The following TRPC7 variants were observed in gnomAD, a reference collection of about 807,000 sequenced individuals.
TRPC7 encodes transient receptor potential cation channel subfamily C member 7.
A neutral mutation model predicts 90.1 loss-of-function variants in TRPC7; 42 were observed. The observed-to-expected ratio is 0.47, with a 90% CI of 0.36 to 0.60. The LOEUF (loss-of-function observed/expected upper bound fraction) is 0.60. Among genes scored for constraint, TRPC7 ranks in the 20% least tolerant of loss-of-function variants. TRPC7 has a pLI of 0.00. For synonymous variants in TRPC7, 451 were observed against 436.3 expected, an observed-to-expected ratio of 1.03 and a Z score of -0.42; for missense variants, 955 against 1,112.3, an observed-to-expected ratio of 0.86 and a Z score of 2.01.
At chr5:136,318,968 G>T (rs1759110594) in intron 2 of TRPC7, among the ~76,000 whole-genome samples, 1 of 152,042 alleles carries the variant, frequency 6.6e-6, no homozygotes, top group African/African-American at 2.4e-5. Context: ...GCCTGACCTT[G>T]GTTGGGTCTA....
chr5:136,365,206 C>T (rs751809766), intron 1 of TRPC7, 47 bp downstream of exon 1: 28 of 1,517,692 alleles, frequency 1.8e-5, no homozygotes, highest in Non-Finnish European at 2.5e-5. Flanking sequence ...AACACAACCT[C>T]TACTGGAAAA....
chr5:136,223,846 A>G (rs1755541059), intron 10 of TRPC7, among the ~76,000 whole-genome samples: 1 of 152,194 alleles, frequency 6.6e-6, no homozygotes, highest in Non-Finnish European at 1.5e-5. Flanking sequence ...AAATAAAAAT[A>G]CTTTCACTGA....
chr5:136,284,286 C>A (rs1318705186), intron 3 of TRPC7, among the ~76,000 whole-genome samples: 1 of 152,216 alleles, frequency 6.6e-6, no homozygotes, highest in Non-Finnish European at 1.5e-5. Flanking sequence ...AACCCCCACA[C>A]CATGATATGT....
At chr5:136,306,490 C>A (rs564991135) in intron 3 of TRPC7, among the ~76,000 whole-genome samples, 2 of 152,154 alleles carry the variant, frequency 1.3e-5, no homozygotes, top group South Asian at 4.2e-4. Context: ...CTCCATACCA[C>A]CCCCCAAAAA....
At chr5:136,275,049 G>T (rs1386180728) in intron 3 of TRPC7, among the ~76,000 whole-genome samples, 1 of 152,264 alleles carries the variant, frequency 6.6e-6, no homozygotes, top group East Asian at 1.9e-4. Context: ...CAGAGTCCTT[G>T]CAAGACTGGC....
intron 7 of TRPC7, among the ~76,000 whole-genome samples, chr5:136,232,804 T>TGG (rs1261074436): frequency 1.3e-5 from 2 of 152,206 alleles, no homozygotes; most frequent in Non-Finnish European, 2.9e-5. Flanking sequence ...AACATCTGAA[T>TGG]GGTTAAGTGC....
chr5:136,260,837 C>T (rs1299707338), intron 5 of TRPC7, among the ~76,000 whole-genome samples: 1 of 152,200 alleles, frequency 6.6e-6, no homozygotes, highest in Non-Finnish European at 1.5e-5. Context: ...CTCTCCATTC[C>T]TGAAAGTACT....
At chr5:136,270,266 A>AT (rs567591497) in intron 4 of TRPC7, among the ~76,000 whole-genome samples, 3 of 152,216 alleles carry the variant, frequency 2.0e-5, no homozygotes, top group East Asian at 1.9e-4. Context: ...AGCTTCCTAT[A>AT]TTTTTTTAAA....
At chr5:136,259,959 C>T (rs577385912) in intron 5 of TRPC7, among the ~76,000 whole-genome samples, 2 of 152,290 alleles carry the variant, frequency 1.3e-5, no homozygotes, top group Admixed American at 1.3e-4. Context: ...CCTTAAATAT[C>T]CTGGAATGAT....
intron 2 of TRPC7, among the ~76,000 whole-genome samples, chr5:136,332,048 T>G (rs967282027): frequency 1.3e-5 from 2 of 152,038 alleles, no homozygotes; most frequent in Non-Finnish European, 2.9e-5. Flanking sequence ...GAGGCTGCAT[T>G]GAGAGAGAGT....
chr5:136,242,211 A>G (rs533192698), intron 7 of TRPC7, among the ~76,000 whole-genome samples: 2 of 152,298 alleles, frequency 1.3e-5, no homozygotes, highest in African/African-American at 4.8e-5. Flanking sequence ...GTCTTGGGAT[A>G]CTTCGATTTT....
intron 4 of TRPC7, among the ~76,000 whole-genome samples, chr5:136,274,110 C>T (rs770228481): frequency 3.3e-5 from 5 of 152,160 alleles, no homozygotes; most frequent in Admixed American, 6.5e-5. Context: ...AGAACCTCAT[C>T]GAAGGGGCCA....
intron 3 of TRPC7, 74 bp downstream of exon 3, chr5:136,315,523 T>A: frequency 2.0e-6 from 3 of 1,518,224 alleles, no homozygotes; most frequent in Non-Finnish European, 2.7e-6. Flanking sequence ...AAAATAGACA[T>A]GAGCAAAAAG....
At chr5:136,276,538 C>T (rs1470849759) in intron 3 of TRPC7, among the ~76,000 whole-genome samples, 1 of 152,210 alleles carries the variant, frequency 6.6e-6, no homozygotes, top group Non-Finnish European at 1.5e-5. Context: ...TGTGAACTCA[C>T]GGTAACTCAC....
chr5:136,264,119 G>T (rs1756949547), intron 5 of TRPC7, among the ~76,000 whole-genome samples: 2 of 152,122 alleles, frequency 1.3e-5, no homozygotes, highest in Admixed American at 1.3e-4. Context: ...TGCTCTGAGG[G>T]TCAGAAGCAG....
chr5:136,277,002 C>T (rs139749553), intron 3 of TRPC7, among the ~76,000 whole-genome samples: 10 of 152,304 alleles, frequency 6.6e-5, no homozygotes, highest in East Asian at 1.9e-4. Flanking sequence ...AAATAGAAGA[C>T]GAGTATTTGA....
intron 5 of TRPC7, among the ~76,000 whole-genome samples, chr5:136,265,560 T>A (rs925576864): frequency 2.0e-5 from 3 of 152,202 alleles, no homozygotes; most frequent in African/African-American, 7.2e-5. Context: ...CCAGTTTTAT[T>A]TTGTTCTGAT....
chr5:136,350,141 AT>A (rs1199094113), intron 2 of TRPC7, among the ~76,000 whole-genome samples: 1 of 152,150 alleles, frequency 6.6e-6, no homozygotes, highest in Non-Finnish European at 1.5e-5. Context: ...TTAAGGATGC[AT>A]TTCTCAGGAC....
intron 2 of TRPC7, among the ~76,000 whole-genome samples, chr5:136,323,961 T>C (rs1759273101): frequency 6.6e-6 from 1 of 152,196 alleles, no homozygotes; most frequent in South Asian, 2.1e-4. Flanking sequence ...TATGTACTTC[T>C]CTTATTTAGG....
Sources: allele counts gnomAD v4.1 joint callset (sites outside exome capture counted in the v4.1 genomes callset), GRCh38; gene constraint gnomAD v4.1.1; transcripts MANE v1.5; gene names NCBI Gene and HGNC (gene_info 2026-07-23, HGNC 2026-07-21).